Variants in ABCA13 observed in about 807,000 individuals in gnomAD.
The protein encoded by ABCA13 is ATP binding cassette subfamily A member 13.
ABCA13 carries 476 observed loss-of-function variants against 478.7 expected under a neutral mutation model. That is an observed-to-expected ratio of 0.99 (90% CI 0.92 to 1.07). The LOEUF (loss-of-function observed/expected upper bound fraction) is 1.07, where lower values mean the gene tolerates loss of function less well. Ranked by LOEUF, ABCA13 falls within the 50% of genes least tolerant of loss-of-function variation. The pLI is 0.00. For synonymous variants in ABCA13, 2,252 were observed against 2,158.9 expected (o/e 1.04, Z -1.20); for missense variants, 6,060 against 5,910.6 (o/e 1.03, Z -0.83).
At chr7:48,509,233 A>C (rs1359780275) in intron 50 of ABCA13, among the ~76,000 whole-genome samples, 2 of 152,194 alleles carry the variant, frequency 1.3e-5, no homozygotes, top group African/African-American at 4.8e-5. Context: ...AGGCAAGTGG[A>C]AGTGACTTGT....
chr7:48,281,205 T>C (rs1405325547), intron 18 of ABCA13, 138 bp from the exon 19 acceptor site: 2 of 691,800 alleles, frequency 2.9e-6, no homozygotes, highest in African/African-American at 3.6e-5. Flanking sequence ...TTTCTTATGT[T>C]CCTATGAAGA....
chr7:48,237,506 G>A (rs1790147504), intron 8 of ABCA13, among the ~76,000 whole-genome samples: 1 of 152,162 alleles, frequency 6.6e-6, no homozygotes, highest in Admixed American at 6.5e-5. Flanking sequence ...AGCCTCTGAG[G>A]CTAGAAGCAA....
At chr7:48,627,950 G>A (rs943580779) in intron 59 of ABCA13, among the ~76,000 whole-genome samples, 1 of 152,064 alleles carries the variant, frequency 6.6e-6, no homozygotes, top group Non-Finnish European at 1.5e-5. Flanking sequence ...TCCATTCATG[G>A]GGGAAGAGTC....
At chr7:48,294,449 T>TTTTTTTTTG (rs1799073224) in intron 20 of ABCA13, among the ~76,000 whole-genome samples, 1 of 146,760 alleles carries the variant, frequency 6.8e-6, no homozygotes, top group African/African-American at 2.6e-5. Flanking sequence ...TTTGTTTTGT[T>TTTTTTTTTG]TTTTTTTTGA....
intron 55 of ABCA13, among the ~76,000 whole-genome samples, chr7:48,529,053 T>G (rs1012855592): frequency 1.3e-5 from 2 of 152,190 alleles, no homozygotes; most frequent in Non-Finnish European, 2.9e-5. Context: ...TGTGCTTGGT[T>G]GGGAACATTC....
intron 29 of ABCA13, among the ~76,000 whole-genome samples, chr7:48,339,377 A>G (rs201562751): frequency 6.6e-6 from 1 of 152,184 alleles, no homozygotes; most frequent in African/African-American, 2.4e-5. Flanking sequence ...CCTTTAAAAG[A>G]AGAAGTAGCA....
Position 48,288,006 on chromosome 7 carries a change from C to T in ABCA13, c.8883C>T (p.Cys2961=), listed in dbSNP as rs2128803694. Residue 2961 remains cysteine, a synonymous_variant, in exon 20 of 62, where the codon TGC becomes TGT. Transcript: ENST00000435803. ...ACATTTTGTGTGCTACTCTGAGTTG[C>T]AAGCAAAATGGGATAAGGCATCTCA... The part of the protein sequence containing the change: ...TKDILCATLS[C]KQNGIRHLIL... 6.2e-7 allele frequency: 1 copy of T among 1,614,012 alleles called. No homozygotes were observed. Among genetic ancestry groups the T allele is most frequent in the Non-Finnish European group, 8.5e-7 (1 of 1,179,884 alleles).
At chr7:48,555,285 C>G (rs559669335) in intron 55 of ABCA13, among the ~76,000 whole-genome samples, 46 of 151,744 alleles carry the variant, frequency 3.0e-4, no homozygotes, top group Admixed American at 1.9e-3. Context: ...GATATTGGCA[C>G]ATAGTTTTCT....
rs542247353 is a variant in ABCA13, at chr7:48,268,302, G to A, written c.2006-678G>A. Among the ~76,000 whole-genome samples, 188 of 151,932 alleles carry A rather than the reference G, an allele frequency of 1.2e-3. 2 individuals carry two copies. The highest frequency in any genetic ancestry group is 4.3e-3 in the African/African-American group (177 of 41,424). ...CTCCCAAGTAGCTAGGATCACAGGC[G>A]CCCACCACCACACCCGGCTAATTTT... is the stretch of plus-strand genomic sequence containing the variant. On this transcript the variant is annotated intron_variant, in intron 15 of 61. Transcript: ENST00000435803.
Position 48,367,558 on chromosome 7 carries a change from T to C in ABCA13, c.10689-236T>C, listed in dbSNP as rs188374366. On this transcript the variant is annotated intron_variant, in intron 31 of 61. Coordinates refer to ENST00000435803, the MANE Select transcript of ABCA13 (RefSeq NM_152701.5). The stretch of plus-strand genomic sequence containing the variant: ...GTCAGAGAGTATTGTGGTTGGGCTA[T>C]GGCTCTCTGAGAGATCTCGAACCAG... Among the ~76,000 whole-genome samples the C allele has an allele frequency of 5.0e-3, 768 of 152,302 alleles. 8 individuals carry two copies. The highest frequency in any genetic ancestry group is 4.9e-3 in the African/African-American group (204 of 41,580).
intron 55 of ABCA13, among the ~76,000 whole-genome samples, chr7:48,543,968 T>C (rs1160561117): frequency 3.3e-5 from 5 of 151,678 alleles, no homozygotes; most frequent in Admixed American, 3.3e-4. Context: ...GAAACTTGGA[T>C]AAAGGTTTAA....
chr7:48,335,313 C>T (rs1490208278), intron 27 of ABCA13, 109 bp from the exon 28 acceptor site: 9 of 671,360 alleles, frequency 1.3e-5, no homozygotes, highest in Non-Finnish European at 1.7e-5. Flanking sequence ...AGCTGGCCTG[C>T]AGGCAGATCT....
At chr7:48,392,261 C>G in intron 38 of ABCA13, 122 bp downstream of exon 38, 2 of 948,144 alleles carry the variant, frequency 2.1e-6, no homozygotes, top group East Asian at 5.2e-5. Flanking sequence ...AAATAATTAG[C>G]AAATGGTTGT....
intron 55 of ABCA13, among the ~76,000 whole-genome samples, chr7:48,573,640 G>T (rs1023189029): frequency 2.6e-5 from 4 of 152,048 alleles, no homozygotes; most frequent in African/African-American, 9.7e-5. Flanking sequence ...AGGCTGAGGT[G>T]GGAGGATTGC....
chr7:48,213,539 G>A (rs192604762), intron 3 of ABCA13, among the ~76,000 whole-genome samples: 6 of 152,268 alleles, frequency 3.9e-5, no homozygotes, highest in Admixed American at 1.3e-4. Flanking sequence ...TGATCAGGGT[G>A]GTGGTTGCTG....
In ABCA13 at chr7:48,198,577, C is replaced by A. The variant is rs373552801; in HGVS notation, c.287+217C>A. Reference sequence around the variant, plus strand: ...TTTCCACTGTCACTTGCGGGACTCACAGAGTAATAACTGATTAGCAAATGC... The same window carrying A: ...TTTCCACTGTCACTTGCGGGACTCAAAGAGTAATAACTGATTAGCAAATGC... On this transcript the variant is annotated intron_variant, in intron 3 of 61. Transcript: ENST00000435803. Among the ~76,000 whole-genome samples, 92 of 152,360 alleles carry A rather than the reference C, an allele frequency of 6.0e-4. 2 individuals carry two copies. The South Asian group carries it at 0.019, about 31-fold the overall frequency.
At chr7:48,372,562 C>CA (rs1812813099) in intron 33 of ABCA13, 65 bp downstream of exon 33, 1 of 1,261,402 alleles carries the variant, frequency 7.9e-7, no homozygotes, top group Non-Finnish European at 1.1e-6. Flanking sequence ...TCTAACAAGA[C>CA]AAAATCCCAC....
At chr7:48,375,513 A>G (rs1813325987) in intron 34 of ABCA13, among the ~76,000 whole-genome samples, 1 of 152,220 alleles carries the variant, frequency 6.6e-6, no homozygotes, top group Admixed American at 6.5e-5. Context: ...ATGATTTTCT[A>G]AAAATCTATT....
intron 5 of ABCA13, among the ~76,000 whole-genome samples, chr7:48,224,060 G>A (rs1042551486): frequency 6.6e-6 from 1 of 151,968 alleles, no homozygotes. Context: ...AAGCAGTGAA[G>A]TATGGGGTGG....
Sources: gnomAD v4.1 joint callset for allele counts (sites outside exome capture counted in the v4.1 genomes callset) on GRCh38, gnomAD v4.1.1 for gene constraint, MANE v1.5 for transcripts, NCBI Gene and HGNC (gene_info 2026-07-23, HGNC 2026-07-21) for gene names.